The following FMN2 variants were observed in gnomAD, a reference collection of about 807,000 sequenced individuals.
FMN2 encodes formin-2.
Under a neutral mutation model 142.3 loss-of-function variants are expected in FMN2, and 51 were observed. That is an observed-to-expected ratio of 0.36 (90% CI 0.29 to 0.45). The LOEUF (loss-of-function observed/expected upper bound fraction) is 0.45, where lower values mean the gene tolerates loss of function less well. FMN2 is among the 20% of genes least tolerant of loss of function. FMN2 has a pLI of 1.00. For missense variants in FMN2, 1,936 were observed against 2,122.8 expected (o/e 0.91, Z 1.73); for synonymous variants, 882 against 869.8 (o/e 1.01, Z -0.25).
intron 6 of FMN2, among the ~76,000 whole-genome samples, chr1:240,237,541 C>T (rs1407711287): frequency 6.6e-6 from 1 of 152,172 alleles, no homozygotes; most frequent in Non-Finnish European, 1.5e-5. Context: ...AATACCGCAG[C>T]TGGTCTTTTT....
At chr1:240,378,952 C>T (rs1391586752) in intron 14 of FMN2, among the ~76,000 whole-genome samples, 4 of 152,152 alleles carry the variant, frequency 2.6e-5, no homozygotes, top group African/African-American at 9.7e-5. Flanking sequence ...TGTCTATTGA[C>T]TTAAAGAATG....
Position 240,333,877 on chromosome 1 carries a change from T to C in FMN2, c.4585-10T>C. The C allele has an allele frequency of 6.3e-7, 1 of 1,582,716 alleles. No homozygotes were observed. Among genetic ancestry groups the C allele is most frequent in the South Asian group, 1.2e-5 (1 of 83,112 alleles). On this transcript the variant is annotated splice_polypyrimidine_tract_variant and intron_variant, in intron 11 of 17. Coordinates refer to ENST00000319653, the MANE Select transcript of FMN2 (RefSeq NM_020066.5). ...AATATATTGTCACTGACTTTGGTCT[T>C]TCTGCCTAGGACAATAGCAGAAGCC...
At chr1:240,229,099 C>T (rs1042980214) in intron 6 of FMN2, among the ~76,000 whole-genome samples, 1 of 151,956 alleles carries the variant, frequency 6.6e-6, no homozygotes, top group Non-Finnish European at 1.5e-5. Flanking sequence ...AGATTACCTC[C>T]ACTGTTGTTT....
intron 15 of FMN2, among the ~76,000 whole-genome samples, chr1:240,399,048 C>T (rs1363178981): frequency 1.3e-5 from 2 of 152,056 alleles, no homozygotes; most frequent in Non-Finnish European, 1.5e-5. Flanking sequence ...GGAATCAGCT[C>T]TGTATTTTGG....
At chr1:240,216,633 A>G (rs1264598551) in intron 6 of FMN2, among the ~76,000 whole-genome samples, 1 of 152,236 alleles carries the variant, frequency 6.6e-6, no homozygotes, top group Non-Finnish European at 1.5e-5. Context: ...CACATTTATT[A>G]CAGATACTAA....
At chr1:240,098,838 G>C (rs1172278588) in intron 1 of FMN2, among the ~76,000 whole-genome samples, 2 of 152,206 alleles carry the variant, frequency 1.3e-5, no homozygotes, top group Non-Finnish European at 2.9e-5. Context: ...CTAGTTTTAA[G>C]AGCTTTAGGC....
At chr1:240,447,344 CA>C (rs1414508755) in intron 16 of FMN2, among the ~76,000 whole-genome samples, 3 of 151,662 alleles carry the variant, frequency 2.0e-5, no homozygotes, top group Non-Finnish European at 4.4e-5. Context: ...ATAGGACCTA[CA>C]AAAAATAAGA....
chr1:240,127,093 G>C (rs1662542173), intron 2 of FMN2, among the ~76,000 whole-genome samples: 1 of 151,998 alleles, frequency 6.6e-6, no homozygotes, highest in Non-Finnish European at 1.5e-5. Context: ...GCACAGGCAG[G>C]GTCTGGAAAG....
intron 14 of FMN2, among the ~76,000 whole-genome samples, chr1:240,363,990 G>GA (rs35880426): frequency 1.3e-5 from 2 of 151,602 alleles, no homozygotes; most frequent in South Asian, 2.1e-4. Flanking sequence ...GCACTAGTGG[G>GA]AAAAAAAAGG....
intron 2 of FMN2, among the ~76,000 whole-genome samples, chr1:240,175,740 G>A (rs1664887743): frequency 6.6e-6 from 1 of 152,016 alleles, no homozygotes; most frequent in Non-Finnish European, 1.5e-5. Context: ...TTTTTAAATA[G>A]CCATTCTCTT....
intron 13 of FMN2, among the ~76,000 whole-genome samples, chr1:240,346,557 C>A (rs1331796781): frequency 6.6e-6 from 1 of 152,112 alleles, no homozygotes; most frequent in Non-Finnish European, 1.5e-5. Flanking sequence ...GAGAGAGGGA[C>A]AGAGAGAAAC....
chr1:240,173,093 G>C (rs1463570063), intron 2 of FMN2, among the ~76,000 whole-genome samples: 1 of 151,942 alleles, frequency 6.6e-6, no homozygotes, highest in African/African-American at 2.4e-5. Context: ...CTGCCACCAC[G>C]CTCAGCTAAT....
chr1:240,181,512 G>A (rs1202997369), intron 3 of FMN2, among the ~76,000 whole-genome samples: 1 of 152,138 alleles, frequency 6.6e-6, no homozygotes, highest in Non-Finnish European at 1.5e-5. Context: ...GTATGAATTG[G>A]AAGGGCTGAG....
chr1:240,382,574 T>C (rs1673263950), intron 14 of FMN2, among the ~76,000 whole-genome samples: 1 of 151,906 alleles, frequency 6.6e-6, no homozygotes, highest in African/African-American at 2.4e-5. Context: ...GGCAGGAGAA[T>C]TCCTTGAACC....
chr1:240,356,170 T>C (rs1672266902), intron 14 of FMN2, among the ~76,000 whole-genome samples: 1 of 152,108 alleles, frequency 6.6e-6, no homozygotes, highest in Non-Finnish European at 1.5e-5. Flanking sequence ...GTATATACAC[T>C]AGATATTAGT....
chr1:240,414,501 C>G (rs1403244999), intron 15 of FMN2, among the ~76,000 whole-genome samples: 1 of 152,120 alleles, frequency 6.6e-6, no homozygotes, highest in Non-Finnish European at 1.5e-5. Flanking sequence ...AATTTTAAAG[C>G]CAAAATAATT....
chr1:240,451,395 G>C (rs1449101472), intron 16 of FMN2, among the ~76,000 whole-genome samples: 1 of 151,900 alleles, frequency 6.6e-6, no homozygotes, highest in African/African-American at 2.4e-5. Context: ...GGACAGAATT[G>C]CAGGTGTGTT....
intron 6 of FMN2, among the ~76,000 whole-genome samples, chr1:240,225,624 G>A (rs909938399): frequency 1.3e-5 from 2 of 152,180 alleles, no homozygotes; most frequent in Admixed American, 1.3e-4. Context: ...TATAATGCGT[G>A]AAATGTCTAG....
chr1:240,197,217 A>C (rs537115491), intron 4 of FMN2, among the ~76,000 whole-genome samples: 1 of 152,074 alleles, frequency 6.6e-6, no homozygotes, highest in Non-Finnish European at 1.5e-5. Flanking sequence ...AAAACCCCCA[A>C]AATTGATGGG....
Sources: gnomAD v4.1 joint callset for allele counts (sites outside exome capture counted in the v4.1 genomes callset) on GRCh38, gnomAD v4.1.1 for gene constraint, MANE v1.5 for transcripts, NCBI Gene and HGNC (gene_info 2026-07-23, HGNC 2026-07-21) for gene names.